PPFIBP1: variants seen among roughly 807,000 people sequenced by gnomAD.
The protein encoded by PPFIBP1 is liprin-beta-1.
In PPFIBP1, 112 loss-of-function variants were observed where a neutral mutation model predicts 137.8. That is an observed-to-expected ratio of 0.81 (90% CI 0.70 to 0.95). The LOEUF (loss-of-function observed/expected upper bound fraction) is 0.95. Among genes scored for constraint, PPFIBP1 ranks in the 40% least tolerant of loss-of-function variants. PPFIBP1 has a pLI of 0.00. For missense variants in PPFIBP1, 1,083 were observed against 1,196.6 expected (o/e 0.91, Z 1.40); for synonymous variants, 378 against 417.3 (o/e 0.91, Z 1.15).
chr12:27,598,425 G>A (rs1216562922), intron 2 of PPFIBP1, among the ~76,000 whole-genome samples: 1 of 152,132 alleles, frequency 6.6e-6, no homozygotes, highest in East Asian at 1.9e-4. Flanking sequence ...CACCCCCCAT[G>A]ATTCAATTAC....
At chr12:27,550,468 A>G (rs1487843882) in intron 1 of PPFIBP1, among the ~76,000 whole-genome samples, 1 of 152,228 alleles carries the variant, frequency 6.6e-6, no homozygotes, top group Non-Finnish European at 1.5e-5. Flanking sequence ...GCTCCTAACC[A>G]TCTCCTGTAC....
At chr12:27,581,371 A>G (rs899593560) in intron 2 of PPFIBP1, among the ~76,000 whole-genome samples, 2 of 152,172 alleles carry the variant, frequency 1.3e-5, no homozygotes, top group African/African-American at 4.8e-5. Flanking sequence ...CAGGTACAAG[A>G]ATGAGGTGGG....
intron 25 of PPFIBP1, 106 bp downstream of exon 25, chr12:27,687,613 T>A: frequency 7.6e-7 from 1 of 1,313,652 alleles, no homozygotes; most frequent in Non-Finnish European, 1.0e-6. Flanking sequence ...GGAAAAGCCT[T>A]AAAATCCAGC....
At chr12:27,612,926 A>ACATCATCATCAT (rs71039826) in intron 2 of PPFIBP1, among the ~76,000 whole-genome samples, 3 of 148,902 alleles carry the variant, frequency 2.0e-5, no homozygotes, top group Non-Finnish European at 4.5e-5. Context: ...TAGATAATAC[A>ACATCATCATCAT]CATCATCATC....
intron 4 of PPFIBP1, 197 bp downstream of exon 4, chr12:27,635,312 A>G (rs2139084268): frequency 1.6e-6 from 1 of 618,240 alleles, no homozygotes; most frequent in East Asian, 2.7e-5. Context: ...CATTTTGTAA[A>G]TACCAACAAC....
At chr12:27,677,279 C>A (rs1410230694) in intron 19 of PPFIBP1, 183 bp downstream of exon 19, 2 of 685,428 alleles carry the variant, frequency 2.9e-6, no homozygotes, top group Non-Finnish European at 4.9e-6. Flanking sequence ...TGCTTCCAAG[C>A]CTAAATGCTG....
intron 2 of PPFIBP1, among the ~76,000 whole-genome samples, chr12:27,592,254 C>T (rs781248742): frequency 6.6e-6 from 1 of 152,100 alleles, no homozygotes; most frequent in East Asian, 1.9e-4. Flanking sequence ...AGTTCAAAGG[C>T]ACAAATCTGT....
intron 2 of PPFIBP1, among the ~76,000 whole-genome samples, chr12:27,601,519 C>G (rs1227909942): frequency 2.0e-5 from 3 of 152,220 alleles, no homozygotes; most frequent in African/African-American, 7.2e-5. Context: ...GCTACACACT[C>G]TGCTTGATGC....
At chr12:27,600,496 G>A (rs549620550) in intron 2 of PPFIBP1, among the ~76,000 whole-genome samples, 25 of 151,106 alleles carry the variant, frequency 1.7e-4, no homozygotes, top group Admixed American at 1.1e-3. Context: ...TATGACAAAC[G>A]CCTGTGTACT....
At chr12:27,598,073 A>G (rs1226875822) in intron 2 of PPFIBP1, among the ~76,000 whole-genome samples, 1 of 152,146 alleles carries the variant, frequency 6.6e-6, no homozygotes, top group African/African-American at 2.4e-5. Context: ...CCAAAGTGCT[A>G]GGATTACAGG....
intron 2 of PPFIBP1, chr12:27,608,769 C>T (rs11049066): frequency 0.14 from 27,939 of 203,030 alleles, 2,461 homozygotes; most frequent in African/African-American, 0.26. Flanking sequence ...TGGCTTCATC[C>T]GAGGCTGGAC....
At chr12:27,631,200 A>G (rs187009593) in intron 2 of PPFIBP1, among the ~76,000 whole-genome samples, 20 of 152,282 alleles carry the variant, frequency 1.3e-4, no homozygotes, top group African/African-American at 4.1e-4. Context: ...TTATTGGTTG[A>G]AAACATTTCT....
intron 1 of PPFIBP1, among the ~76,000 whole-genome samples, chr12:27,527,712 C>T (rs539204068): frequency 6.6e-6 from 1 of 151,712 alleles, no homozygotes; most frequent in Non-Finnish European, 1.5e-5. Context: ...AGAAATGTTG[C>T]GTAATGACGT....
At chr12:27,666,401 C>A (rs2059858387) in intron 12 of PPFIBP1, among the ~76,000 whole-genome samples, 1 of 151,240 alleles carries the variant, frequency 6.6e-6, no homozygotes, top group South Asian at 2.1e-4. Context: ...CTAGTGAAAC[C>A]TAAATTAAGA....
chr12:27,631,744 G>A (rs185546552), intron 2 of PPFIBP1, among the ~76,000 whole-genome samples: 299 of 151,864 alleles, frequency 2.0e-3, no homozygotes, highest in African/African-American at 6.9e-3. Context: ...TGTACCTATC[G>A]GACTTGAACT....
chr12:27,537,178 C>T (rs1945123219), intron 1 of PPFIBP1, among the ~76,000 whole-genome samples: 2 of 152,066 alleles, frequency 1.3e-5, no homozygotes, highest in Admixed American at 6.5e-5. Flanking sequence ...GTCACCTAGG[C>T]TGGAGTGCAA....
chr12:27,600,465 A>T (rs985592320), intron 2 of PPFIBP1, among the ~76,000 whole-genome samples: 67 of 152,136 alleles, frequency 4.4e-4, no homozygotes, highest in African/African-American at 1.5e-3. Context: ...TTAGAAGAAT[A>T]CATTAACATA....
chr12:27,641,115 A>G (rs1269416819), intron 4 of PPFIBP1, among the ~76,000 whole-genome samples: 1 of 152,202 alleles, frequency 6.6e-6, no homozygotes, highest in African/African-American at 2.4e-5. Flanking sequence ...ATTTGTGTAT[A>G]TGCAGTGTTA....
rs574535671 is a variant in PPFIBP1 at position 27,573,676 on chromosome 12, C to T, written c.-123-4476C>T. ...ACATTGAAAACCAGTTGGAGACTAGCGTGATTAAAAAGAAGGTTAAAAGCC... is the reference window on the plus strand; with the variant it reads ...ACATTGAAAACCAGTTGGAGACTAGTGTGATTAAAAAGAAGGTTAAAAGCC... On this transcript the variant is annotated intron_variant, in intron 1 of 29. Transcript: ENST00000228425. 2.8e-4 allele frequency among the ~76,000 whole-genome samples: 42 copies of T among 152,212 alleles called. No homozygotes were observed. The East Asian group carries it at 3.1e-3, about 11-fold the overall frequency.
Sources: allele counts gnomAD v4.1 joint callset (sites outside exome capture counted in the v4.1 genomes callset), GRCh38; gene constraint gnomAD v4.1.1; transcripts MANE v1.5; gene names NCBI Gene and HGNC (gene_info 2026-07-23, HGNC 2026-07-21).